SPATA16: variants seen among roughly 807,000 people sequenced by gnomAD.
SPATA16 encodes the protein spermatogenesis-associated protein 16.
SPATA16 carries 36 observed loss-of-function variants against 63.3 expected under a neutral mutation model. The ratio of observed to expected loss-of-function variants is 0.57; its 90% CI spans 0.44 to 0.75. The LOEUF (loss-of-function observed/expected upper bound fraction) is 0.75, where lower values mean the gene tolerates loss of function less well. SPATA16 is among the 30% of genes least tolerant of loss of function. SPATA16 has a pLI of 0.00. For missense variants in SPATA16, 646 were observed against 679.3 expected (o/e 0.95, Z 0.54); for synonymous variants, 203 against 216.7 (o/e 0.94, Z 0.56).
intron 2 of SPATA16, among the ~76,000 whole-genome samples, chr3:173,055,210 G>T (rs775136808): frequency 6.6e-6 from 1 of 152,174 alleles, no homozygotes; most frequent in Non-Finnish European, 1.5e-5. Flanking sequence ...CTACATTGCT[G>T]ATAGTAGTGT....
chr3:172,891,680 T>C (rs1439239323), intron 10 of SPATA16, among the ~76,000 whole-genome samples: 1 of 152,208 alleles, frequency 6.6e-6, no homozygotes, highest in Non-Finnish European at 1.5e-5. Context: ...CATCAATCCA[T>C]CTGCTTTAGC....
chr3:173,116,118 C>G (rs944338578), intron 2 of SPATA16, among the ~76,000 whole-genome samples: 1 of 152,118 alleles, frequency 6.6e-6, no homozygotes, highest in Non-Finnish European at 1.5e-5. Context: ...TCCAGAATTT[C>G]TGGCCTCAAG....
chr3:172,903,330 C>A (rs1228756186), intron 10 of SPATA16, among the ~76,000 whole-genome samples: 1 of 152,170 alleles, frequency 6.6e-6, no homozygotes, highest in African/African-American at 2.4e-5. Flanking sequence ...AAAACTTTTG[C>A]AAAGATAAAA....
chr3:173,104,770 A>C (rs963747405), intron 2 of SPATA16, among the ~76,000 whole-genome samples: 1 of 152,096 alleles, frequency 6.6e-6, no homozygotes, highest in African/African-American at 2.4e-5. Flanking sequence ...CCTTTTAAAC[A>C]TTCTTAGAGA....
At chr3:173,057,462 C>G (rs894428236) in intron 2 of SPATA16, among the ~76,000 whole-genome samples, 1 of 143,824 alleles carries the variant, frequency 7.0e-6, no homozygotes, top group Non-Finnish European at 1.5e-5. Context: ...CATCTTTCAC[C>G]GCTATTATTC....
At chr3:173,103,976 T>C (rs978066735) in intron 2 of SPATA16, among the ~76,000 whole-genome samples, 2 of 152,224 alleles carry the variant, frequency 1.3e-5, no homozygotes, top group African/African-American at 4.8e-5. Context: ...CAGCCAGGCC[T>C]TATCTTGAAT....
chr3:173,027,974 TCTCCCTCCCTCCCTCCCTCC>T (rs1185002655), intron 3 of SPATA16, among the ~76,000 whole-genome samples: 34 of 23,414 alleles, frequency 1.5e-3, no homozygotes, highest in Non-Finnish European at 2.3e-3. Context: ...ATTTATTTTT[TCTCCCTCCCTCCCTCCCTCC>T]CTCCCTCCCT....
chr3:173,060,890 A>T (rs892396956), intron 2 of SPATA16, among the ~76,000 whole-genome samples: 1 of 152,120 alleles, frequency 6.6e-6, no homozygotes, highest in Admixed American at 6.5e-5. Flanking sequence ...GTTGAGTTTA[A>T]TGCTTCCATT....
At chr3:172,916,914 A>G (rs1732506656) in intron 8 of SPATA16, among the ~76,000 whole-genome samples, 1 of 152,224 alleles carries the variant, frequency 6.6e-6, no homozygotes, top group Non-Finnish European at 1.5e-5. Context: ...TGCAAGTTGA[A>G]TCTTGACAAA....
intron 6 of SPATA16, 39 bp from the exon 7 acceptor site, chr3:172,925,531 T>C (rs373835470): frequency 4.2e-5 from 67 of 1,613,660 alleles, no homozygotes; most frequent in South Asian, 1.5e-4. Flanking sequence ...GGCTTTGTTA[T>C]GGTTTTAATA....
chr3:173,139,495 G>A (rs1428736940), intron 1 of SPATA16, among the ~76,000 whole-genome samples: 2 of 152,128 alleles, frequency 1.3e-5, no homozygotes, highest in Non-Finnish European at 2.9e-5. Flanking sequence ...AATACTCCAG[G>A]CTTTCTGATG....
At chr3:172,965,612 C>T (rs928399942) in intron 5 of SPATA16, among the ~76,000 whole-genome samples, 1 of 151,922 alleles carries the variant, frequency 6.6e-6, no homozygotes, top group East Asian at 1.9e-4. Context: ...GGCAATCAGA[C>T]ACCTTATATT....
At chr3:172,910,815 G>A (rs1016254160) in intron 10 of SPATA16, among the ~76,000 whole-genome samples, 9 of 152,110 alleles carry the variant, frequency 5.9e-5, no homozygotes, top group Non-Finnish European at 1.2e-4. Flanking sequence ...ATGACAATTT[G>A]CCAATGACTA....
rs934786989 is a variant in SPATA16, at chr3:173,019,541, G to A, written c.793C>T (p.His265Tyr). Residue 265 changes from histidine (H) to tyrosine (Y), a missense_variant, in exon 4 of 11, where the codon CAT becomes TAT. By Grantham distance (83) the His-to-Tyr change is moderately conservative. Transcript: ENST00000351008. ...CTAAACACTGTTGCTTGACGAAGAT[G>A]ATTCCGGAAATAGGCTGGGTTTAAA... ...IVLNPAYFRN[H>Y]LRQATVFRCL... The A allele has an allele frequency of 3.1e-6, 5 of 1,614,052 alleles. No homozygotes were observed. The South Asian group carries it at 5.5e-5, about 18-fold the overall frequency.
intron 2 of SPATA16, among the ~76,000 whole-genome samples, chr3:173,089,662 G>A (rs568432272): frequency 3.3e-5 from 5 of 152,296 alleles, no homozygotes; most frequent in Admixed American, 6.5e-5. Context: ...AGGACAAGGA[G>A]CTGTACCTTG....
chr3:172,929,368 T>TC (rs1275644241), intron 6 of SPATA16, among the ~76,000 whole-genome samples: 1 of 152,196 alleles, frequency 6.6e-6, no homozygotes, highest in Non-Finnish European at 1.5e-5. Flanking sequence ...CAATTTCTTT[T>TC]CCCCTAGAGA....
intron 10 of SPATA16, among the ~76,000 whole-genome samples, chr3:172,905,633 C>T (rs1732216752): frequency 6.6e-6 from 1 of 151,964 alleles, no homozygotes; most frequent in African/African-American, 2.4e-5. Flanking sequence ...TCCTAAAAGA[C>T]CAAATTAGTA....
intron 1 of SPATA16, among the ~76,000 whole-genome samples, chr3:173,129,582 A>G (rs1363685192): frequency 1.3e-5 from 2 of 151,284 alleles, no homozygotes; most frequent in Non-Finnish European, 2.9e-5. Context: ...TATTATATAT[A>G]TACTTATATA....
At chr3:173,015,300 G>C (rs939813576) in intron 4 of SPATA16, among the ~76,000 whole-genome samples, 6 of 152,128 alleles carry the variant, frequency 3.9e-5, no homozygotes, top group African/African-American at 1.2e-4. Context: ...TTGGCCTCAG[G>C]TGATCTGCCC....
Sources: allele counts gnomAD v4.1 joint callset (sites outside exome capture counted in the v4.1 genomes callset), GRCh38; gene constraint gnomAD v4.1.1; transcripts MANE v1.5; gene names NCBI Gene and HGNC (gene_info 2026-07-23, HGNC 2026-07-21).